Variants in TRMT9B observed in about 807,000 individuals in gnomAD.
TRMT9B encodes the protein tRNA methyltransferase 9B (putative), also known as probable tRNA methyltransferase 9B.
In TRMT9B, 16 loss-of-function variants were observed where a neutral mutation model predicts 11.5. The observed-to-expected ratio is 1.39, with a 90% CI of 0.94 to 2.11. The LOEUF (loss-of-function observed/expected upper bound fraction) is 2.11, where lower values mean the gene tolerates loss of function less well. Among genes scored for constraint, TRMT9B ranks in the 30% most tolerant of loss-of-function variants. The probability of loss-of-function intolerance (pLI) is 0.00; values close to 1 mark genes in which losing one functional copy is unlikely to be tolerated. For missense variants in TRMT9B, 941 were observed against 553.8 expected (o/e 1.70, Z -7.02); for synonymous variants, 274 against 192.4 (o/e 1.42, Z -3.51).
chr8:13,014,313 C>T (rs567474270), intron 4 of TRMT9B, among the ~76,000 whole-genome samples: 2 of 152,328 alleles, frequency 1.3e-5, no homozygotes, highest in African/African-American at 4.8e-5. Context: ...ATAGACTTCG[C>T]TTAAACAACA....
chr8:12,949,360 G>C (rs971472833), intron 1 of TRMT9B, among the ~76,000 whole-genome samples: 2 of 152,166 alleles, frequency 1.3e-5, no homozygotes, highest in African/African-American at 2.4e-5. Context: ...TATTTTGACA[G>C]TCATTTTTTA....
chr8:13,028,378 T>C lies in TRMT9B; in HGVS notation c.*6334T>C, dbSNP rs1391006433. 2 of 166,984 alleles carry C rather than the reference T, an allele frequency of 1.2e-5. No homozygotes were observed. Among genetic ancestry groups the C allele is most frequent in the Non-Finnish European group, 2.9e-5 (2 of 68,110 alleles). The allele number at this position is 166,984 out of a possible 1,614,324, so 10.3% of individuals were successfully genotyped here. ...TCCAACCCAATTAATCATTAATACA[T>C]CCACAGGAAAAATACATTTTCTCCA... On this transcript the variant is annotated 3_prime_UTR_variant, in exon 5 of 5. Transcript: ENST00000524591.
chr8:13,011,654 G>T, intron 3 of TRMT9B: 1 of 979,386 alleles, frequency 1.0e-6, no homozygotes. Context: ...CATAACATCA[G>T]TAAGACCTCA....
chr8:13,010,182 C>T (rs1811333966), intron 3 of TRMT9B: 1 of 822,176 alleles, frequency 1.2e-6, no homozygotes, highest in Non-Finnish European at 1.5e-6. Flanking sequence ...TTAAATACCT[C>T]TGTGCAAATC....
At chr8:12,998,459 C>G (rs1361840784) in intron 2 of TRMT9B, among the ~76,000 whole-genome samples, 1 of 152,152 alleles carries the variant, frequency 6.6e-6, no homozygotes, top group African/African-American at 2.4e-5. Context: ...TCACTACAGG[C>G]AAAAGTGTGG....
chr8:12,961,922 C>G (rs1007790171), intron 1 of TRMT9B: 1 of 152,266 alleles, frequency 6.6e-6, no homozygotes, highest in African/African-American at 2.4e-5. Context: ...TTCAATCAGA[C>G]TTCTCAGCAG....
At chr8:12,960,944 C>A (rs565222640) in intron 1 of TRMT9B, among the ~76,000 whole-genome samples, 2 of 152,188 alleles carry the variant, frequency 1.3e-5, no homozygotes, top group East Asian at 3.9e-4. Context: ...AGACCTAGAC[C>A]ATCCTGGCCA....
intron 2 of TRMT9B, among the ~76,000 whole-genome samples, chr8:12,994,640 A>C (rs539800758): frequency 2.0e-5 from 3 of 152,208 alleles, no homozygotes; most frequent in Non-Finnish European, 4.4e-5. Flanking sequence ...CCTTGAATTG[A>C]TTCTTCTTGC....
intron 3 of TRMT9B, chr8:13,010,379 G>C (rs897639737): frequency 7.1e-6 from 7 of 980,354 alleles, no homozygotes; most frequent in Non-Finnish European, 8.5e-6. Flanking sequence ...GGGATGAGGA[G>C]AAGAAAAGAC....
chr8:12,986,016 C>T (rs1190677371), intron 1 of TRMT9B, among the ~76,000 whole-genome samples: 2 of 152,024 alleles, frequency 1.3e-5, no homozygotes, highest in East Asian at 1.9e-4. Flanking sequence ...CAGGTGTTAC[C>T]GCACCTGGCT....
chr8:12,952,314 G>T (rs186577761), intron 1 of TRMT9B: 1 of 352,482 alleles, frequency 2.8e-6, no homozygotes. Context: ...GCGACAGGTC[G>T]TCTAGCGCGT....
At chr8:12,992,519 A>G (rs982050623) in intron 2 of TRMT9B, among the ~76,000 whole-genome samples, 68 of 152,088 alleles carry the variant, frequency 4.5e-4, no homozygotes, top group African/African-American at 1.5e-3. Flanking sequence ...GAAGGACAAC[A>G]AACTTAGATG....
At chr8:12,969,846 ATTTTTTTT>A (rs368805990) in intron 1 of TRMT9B, among the ~76,000 whole-genome samples, 1 of 124,372 alleles carries the variant, frequency 8.0e-6, no homozygotes, top group African/African-American at 3.0e-5. Flanking sequence ...TAATGTTTTA[ATTTTTTTT>A]TTTTTTTTTT....
Position 12,978,699 on chromosome 8 carries a change from A to T in TRMT9B, c.-199-12135A>T, listed in dbSNP as rs137931260. Among the ~76,000 whole-genome samples, 12 of 152,290 alleles carry T rather than the reference A, an allele frequency of 7.9e-5. 1 individual carries two copies. The highest frequency in any genetic ancestry group is 2.9e-4 in the African/African-American group (12 of 41,564). ...CAGGCCTACTTGCTACACCTTAGTTATCTTTAACCAAGACATACACAGCGT... is the reference window on the plus strand; with the variant it reads ...CAGGCCTACTTGCTACACCTTAGTTTTCTTTAACCAAGACATACACAGCGT... On this transcript the variant is annotated intron_variant, in intron 1 of 4. Transcript: ENST00000524591.
In TRMT9B at chr8:13,024,991, G is replaced by A. The variant is rs917296854; in HGVS notation, c.*2947G>A. ...TTGCTTGTCCTCGAAAGGAAACACA[G>A]GTCATCAGTGAGTATAAACGTAGAC... On this transcript the variant is annotated 3_prime_UTR_variant, in exon 5 of 5. Transcript: ENST00000524591. 2.4e-5 allele frequency: 4 copies of A among 166,992 alleles called. No homozygotes were observed. The highest frequency in any genetic ancestry group is 4.4e-5 in the Non-Finnish European group (3 of 68,110). 10.3% of individuals were successfully genotyped at this position (166,992 alleles called of 1,614,324 possible). A position where few individuals can be genotyped will look rare whatever the true frequency, so the allele number is the denominator to read the frequency against.
At chr8:12,946,174 A>C (rs1800255174) in intron 1 of TRMT9B, among the ~76,000 whole-genome samples, 1 of 152,216 alleles carries the variant, frequency 6.6e-6, no homozygotes, top group Admixed American at 6.5e-5. Context: ...AAATGTAAGA[A>C]GCATCTAGAT....
Position 12,945,871 on chromosome 8 carries a change from C to G in TRMT9B, c.-295C>G, listed in dbSNP as rs952667054. The G allele has an allele frequency of 6.6e-6, 1 of 152,054 alleles. No individual in the cohort carries two copies. The highest frequency in any genetic ancestry group is 1.5e-5 in the Non-Finnish European group (1 of 68,026). 9.4% of individuals were successfully genotyped at this position (152,054 alleles called of 1,614,324 possible). Reference sequence around the variant, plus strand: ...TCCATGTGCAGGGCTCTGGACTAGACTTTCAGGATCTAAGGCTGAATCCTA... The same window carrying G: ...TCCATGTGCAGGGCTCTGGACTAGAGTTTCAGGATCTAAGGCTGAATCCTA... On this transcript the variant is annotated 5_prime_UTR_variant, in exon 1 of 5. Transcript: ENST00000524591.
intron 4 of TRMT9B, among the ~76,000 whole-genome samples, chr8:13,015,041 A>G (rs1812363810): frequency 6.6e-6 from 1 of 151,732 alleles, no homozygotes; most frequent in African/African-American, 2.4e-5. Flanking sequence ...CCTAAGCAAC[A>G]GAGTGAGACT....
intron 1 of TRMT9B, chr8:12,962,229 G>T (rs1038775427): frequency 3.9e-5 from 6 of 152,222 alleles, no homozygotes; most frequent in Non-Finnish European, 5.9e-5. Context: ...GGAAAAATGG[G>T]CTTCATCATA....
Sources: allele counts gnomAD v4.1 joint callset (sites outside exome capture counted in the v4.1 genomes callset), GRCh38; gene constraint gnomAD v4.1.1; transcripts MANE v1.5; gene names NCBI Gene and HGNC (gene_info 2026-07-23, HGNC 2026-07-21).